The following LMNB2 variants were observed in gnomAD, a reference collection of about 807,000 sequenced individuals.
LMNB2 encodes the protein lamin B2.
A neutral mutation model predicts 69.3 loss-of-function variants in LMNB2; 17 were observed. The ratio of observed to expected loss-of-function variants is 0.25; its 90% CI spans 0.17 to 0.37. The LOEUF (loss-of-function observed/expected upper bound fraction) is 0.37. Ranked by LOEUF, LMNB2 falls within the 10% of genes least tolerant of loss-of-function variation. The probability of loss-of-function intolerance (pLI) is 1.00; values close to 1 mark genes in which losing one functional copy is unlikely to be tolerated. For missense variants in LMNB2, 789 were observed against 883.6 expected (o/e 0.89, Z 1.36); for synonymous variants, 397 against 389.3 (o/e 1.02, Z -0.23).
At chr19:2,431,517 C>T (rs1423302788) in intron 11 of LMNB2, 31 bp downstream of exon 11, 4 of 1,613,684 alleles carry the variant, frequency 2.5e-6, no homozygotes, top group Non-Finnish European at 3.4e-6. Flanking sequence ...AGAGGCTGCC[C>T]CCCAGCCGCA....
intron 1 of LMNB2, among the ~76,000 whole-genome samples, chr19:2,451,907 C>A (rs1972026229): frequency 6.6e-6 from 1 of 151,838 alleles, no homozygotes; most frequent in Non-Finnish European, 1.5e-5. Flanking sequence ...CTCCAGCAGC[C>A]CTGAGCAGCC....
intron 1 of LMNB2, among the ~76,000 whole-genome samples, chr19:2,450,829 A>T (rs939731967): frequency 6.7e-6 from 1 of 149,794 alleles, no homozygotes; most frequent in Non-Finnish European, 1.5e-5. Context: ...ACGGGGCTTC[A>T]CCATGTTGGC....
In LMNB2 at chr19:2,456,905, C is replaced by T. The variant is rs984068789; in HGVS notation, c.29G>A (p.Arg10Gln). The change falls in exon 1 of 12, where the codon CGG (arginine) becomes CAG (glutamine). Residue 10 changes from arginine (R) to glutamine (Q), a missense_variant. Transcript: ENST00000325327. MSPPSPGRR[R>Q]EQRRPRAAAT... is the part of the protein sequence containing the mutation. ...GGCGGCTCGCGGCCTGCGCTGCTCC[C>T]GACGGCGGCCCGGGCTCGGCGGGCT... 1 of 1,008,914 alleles carries T rather than the reference C, an allele frequency of 9.9e-7. No homozygotes were observed. Among genetic ancestry groups the T allele is most frequent in the South Asian group, 4.5e-5 (1 of 22,356 alleles). 62.5% of individuals were successfully genotyped at this position (1,008,914 alleles called of 1,614,324 possible).
chr19:2,444,071 C>T (rs866036841), intron 2 of LMNB2, among the ~76,000 whole-genome samples: 8 of 152,236 alleles, frequency 5.3e-5, no homozygotes, highest in Middle Eastern at 3.4e-3. Flanking sequence ...GGGTGCCGCC[C>T]GGGGTCTAGG....
Position 2,428,646 on chromosome 19 carries a change from CAGGGAGGGCGCTAGGCTTCGA to C in LMNB2, c.*2244_*2264del, listed in dbSNP as rs1212155681. On this transcript the variant is annotated 3_prime_UTR_variant, in exon 12 of 12. Transcript: ENST00000325327. ...GGGCTGGGTGGCGTCTGATGCTTCG[CAGGGAGGGCGCTAGGCTTCGA>C]GTCACACGGCACGGGCTTACACAGA... is the stretch of plus-strand genomic sequence containing the variant. 2.0e-5 allele frequency: 3 copies of C among 152,334 alleles called. No individual in the cohort carries two copies. The highest frequency in any genetic ancestry group is 7.2e-5 in the African/African-American group (3 of 41,468). The allele number at this position is 152,334 out of a possible 1,614,324, so 9.4% of individuals were successfully genotyped here.
chr19:2,434,257 CCTCA>C (rs1450166108), intron 7 of LMNB2, 34 bp downstream of exon 7: 1 of 1,606,788 alleles, frequency 6.2e-7, no homozygotes. Flanking sequence ...TGCCCCTCCT[CCTCA>C]CTCTGTGCTC....
At chr19:2,431,923 GCC>G (rs1275371133) in intron 9 of LMNB2, 21 bp from the exon 10 acceptor site, 2 of 1,603,696 alleles carry the variant, frequency 1.2e-6, no homozygotes, top group African/African-American at 2.7e-5. Context: ...AATAACAATG[GCC>G]CCATCAGGGT....
chr19:2,447,808 C>G lies in LMNB2; in HGVS notation c.265-3268G>C, dbSNP rs1406286217. Among the ~76,000 whole-genome samples, 1 of 152,178 alleles carries G rather than the reference C, an allele frequency of 6.6e-6. No individual in the cohort carries two copies. Among genetic ancestry groups the G allele is most frequent in the East Asian group, 1.9e-4 (1 of 5,198 alleles). On this transcript the variant is annotated intron_variant, in intron 1 of 11. Coordinates refer to ENST00000325327, the MANE Select transcript of LMNB2 (RefSeq NM_032737.4). This position sits in a 1 kb window ranked among gnomAD's most constrained non-coding sequence, Gnocchi z 4.4. ...ACGCACCCCTTGGCAGTGACCGGGC[C>G]TCTTCTGAGGTGGGACCCTCAGCCT...
At chr19:2,449,551 G>A (rs1329863436) in intron 1 of LMNB2, among the ~76,000 whole-genome samples, 8 of 151,750 alleles carry the variant, frequency 5.3e-5, no homozygotes, top group South Asian at 4.2e-4. Flanking sequence ...AGGCTGAGGC[G>A]GGCGAATTAC....
In LMNB2 at chr19:2,444,381, C is replaced by T. The variant is rs760988438; in HGVS notation, c.401+23G>A. On this transcript the variant is annotated intron_variant, in intron 2 of 11. Transcript: ENST00000325327. The stretch of plus-strand genomic sequence containing the variant: ...CGTGGTGCCAGGATCAGGGTGACGT[C>T]GTGCCCAGCCGTGACCACTCACCTC... 13 of 1,613,118 alleles carry T rather than the reference C, an allele frequency of 8.1e-6. No homozygotes were observed. The Admixed American group carries it at 8.3e-5, about 10-fold the overall frequency.
intron 2 of LMNB2, among the ~76,000 whole-genome samples, chr19:2,440,874 G>A (rs1971892599): frequency 6.6e-6 from 1 of 152,054 alleles, no homozygotes; most frequent in Admixed American, 6.6e-5. Flanking sequence ...TCTCTCACTA[G>A]CTGCCAAGCT....
At position 2,443,109 on chromosome 19, in the gene LMNB2, C is replaced by G. The variant is rs1194337514; in HGVS notation, c.401+1295G>C. Among the ~76,000 whole-genome samples, 1 of 152,220 alleles carries G rather than the reference C, an allele frequency of 6.6e-6. No individual in the cohort carries two copies. Among genetic ancestry groups the G allele is most frequent in the Non-Finnish European group, 1.5e-5 (1 of 68,036 alleles). On this transcript the variant is annotated intron_variant, in intron 2 of 11. Coordinates refer to ENST00000325327, the MANE Select transcript of LMNB2 (RefSeq NM_032737.4). The surrounding 1 kb of genome is among the most constrained non-coding windows in gnomAD (Gnocchi z 6.2). ...GCACAGAGCTGCTGCCTGAGCAGGT[C>G]CCGGGGTGCACCTGTGCTGTGTGGG... is the stretch of plus-strand genomic sequence containing the variant.
intron 11 of LMNB2, 35 bp from the exon 12 acceptor site, chr19:2,430,987 C>T: frequency 6.5e-7 from 1 of 1,537,302 alleles, no homozygotes; most frequent in Non-Finnish European, 9.0e-7. Flanking sequence ...CGGCCATGAT[C>T]AGGGCCAGCC....
At chr19:2,432,638 C>G in intron 8 of LMNB2, 115 bp from the exon 9 acceptor site, 2 of 807,230 alleles carry the variant, frequency 2.5e-6, no homozygotes, top group Non-Finnish European at 4.3e-6. Flanking sequence ...AGCTAGGTCA[C>G]CCCATTACCC....
In LMNB2 at chr19:2,438,680, C is replaced by A. The variant is rs11882178; in HGVS notation, c.402-149G>T. 6,786 of 929,854 alleles carry A rather than the reference C, an allele frequency of 7.3e-3. 332 individuals are homozygous for A. In the African/African-American group the frequency reaches 0.1, roughly 14 times the overall value. The allele number at this position is 929,854 out of a possible 1,614,324, so 57.6% of individuals were successfully genotyped here. A position where few individuals can be genotyped will look rare whatever the true frequency, so the allele number is the denominator to read the frequency against. The stretch of plus-strand genomic sequence containing the variant: ...CCGTCCTGCAGACGACGCGGCCCCA[C>A]GCGCCCAGGCAAAGGCACACGTGCC... On this transcript the variant is annotated intron_variant, in intron 2 of 11. Transcript: ENST00000325327.
chr19:2,442,629 C>T (rs1482250905), intron 2 of LMNB2, among the ~76,000 whole-genome samples: 1 of 151,700 alleles, frequency 6.6e-6, no homozygotes, highest in African/African-American at 2.4e-5. Context: ...TGCCTGGGGT[C>T]CCAGCTACTC....
rs1972054689 is a variant in LMNB2 at position 2,453,593 on chromosome 19, C to CG, written c.264+3076dup. On this transcript the variant is annotated intron_variant, in intron 1 of 11. Coordinates refer to ENST00000325327, the MANE Select transcript of LMNB2 (RefSeq NM_032737.4). This position sits in a 1 kb window ranked among gnomAD's most constrained non-coding sequence, Gnocchi z 4.4. ...AGACACGGCTGGGTGACAGGGCTCACGGAGGGGCCAGTGTGTCACCTGCTA... is the reference window on the plus strand; with the variant it reads ...AGACACGGCTGGGTGACAGGGCTCACGGGAGGGGCCAGTGTGTCACCTGCTA... Among the ~76,000 whole-genome samples, 1 of 152,166 alleles carries CG rather than the reference C, an allele frequency of 6.6e-6. No individual in the cohort carries two copies. Among genetic ancestry groups the CG allele is most frequent in the African/African-American group, 2.4e-5 (1 of 41,430 alleles).
In LMNB2 at chr19:2,431,863, AG is replaced by A; in HGVS notation, c.1629del (p.Ser544ArgfsTer31). The A allele has an allele frequency of 1.2e-6, 2 of 1,613,026 alleles. No homozygotes were observed. The highest frequency in any genetic ancestry group is 8.5e-7 in the Non-Finnish European group (1 of 1,179,870). The part of the protein sequence containing the change: ...AAGAGVAHSP[P>X]STLVWKGQSS... ...CTCTGGCCCTTCCACACCAGCGTCGAGGGGGGGCTGTGGGCCACCCCCGCAC... is the reference window on the plus strand; with the variant it reads ...CTCTGGCCCTTCCACACCAGCGTCGAGGGGGGCTGTGGGCCACCCCCGCAC... On this transcript the variant is annotated frameshift_variant, in exon 10 of 12. Transcript: ENST00000325327. LOFTEE classifies it high-confidence loss of function.
In LMNB2 at chr19:2,447,982, A is replaced by C. The variant is rs1971976806; in HGVS notation, c.265-3442T>G. Among the ~76,000 whole-genome samples, 1 of 152,138 alleles carries C rather than the reference A, an allele frequency of 6.6e-6. No homozygotes were observed. Among genetic ancestry groups the C allele is most frequent in the African/African-American group, 2.4e-5 (1 of 41,406 alleles). On this transcript the variant is annotated intron_variant, in intron 1 of 11. Coordinates refer to ENST00000325327, the MANE Select transcript of LMNB2 (RefSeq NM_032737.4). The surrounding 1 kb of genome is among the most constrained non-coding windows in gnomAD (Gnocchi z 4.4). ...GGGAAAACTGAGGCACGGGTCAGTAAAAAGCCGCCTCCTGACCACCGCTGG... is the reference window on the plus strand; with the variant it reads ...GGGAAAACTGAGGCACGGGTCAGTACAAAGCCGCCTCCTGACCACCGCTGG...
Sources: gnomAD v4.1 joint callset for allele counts (sites outside exome capture counted in the v4.1 genomes callset) on GRCh38, gnomAD v4.1.1 for gene constraint, Gnocchi (gnomAD v3.1) non-coding constraint, MANE v1.5 for transcripts, NCBI Gene and HGNC (gene_info 2026-07-23, HGNC 2026-07-21) for gene names.